The following RSPO2 variants were observed in gnomAD, a reference collection of about 807,000 sequenced individuals.
RSPO2 encodes the protein R-spondin 2.
In RSPO2, 14 loss-of-function variants were observed where a neutral mutation model predicts 30.9. The observed-to-expected ratio is 0.45, with a 90% CI of 0.30 to 0.71. The LOEUF is 0.71. Ranked by LOEUF, RSPO2 falls within the 30% of genes least tolerant of loss-of-function variation. The pLI is 0.08. For synonymous variants in RSPO2, 107 were observed against 96.4 expected (o/e 1.11, Z -0.64); for missense variants, 264 against 301.9 (o/e 0.87, Z 0.93).
chr8:107,940,522 C>G (rs908722042), intron 5 of RSPO2, among the ~76,000 whole-genome samples: 1 of 152,172 alleles, frequency 6.6e-6, no homozygotes, highest in Non-Finnish European at 1.5e-5. Flanking sequence ...GAGGTGTGGA[C>G]TGGAGCAGTT....
intron 2 of RSPO2, among the ~76,000 whole-genome samples, chr8:107,994,398 TC>T (rs1301266258): frequency 6.6e-6 from 1 of 152,156 alleles, no homozygotes; most frequent in Non-Finnish European, 1.5e-5. Flanking sequence ...ACTTTTTTTT[TC>T]CAAACAGAAA....
chr8:107,934,860 C>T (rs1362272740), intron 5 of RSPO2, among the ~76,000 whole-genome samples: 2 of 152,142 alleles, frequency 1.3e-5, no homozygotes, highest in African/African-American at 4.8e-5. Context: ...TATCACTTCC[C>T]CAATCAATAC....
intron 3 of RSPO2, chr8:107,982,996 G>A (rs1814502740): frequency 1.6e-6 from 1 of 618,096 alleles, no homozygotes; most frequent in Non-Finnish European, 2.6e-6. Context: ...CCTACGACTG[G>A]CTCCTGGGGT....
intron 3 of RSPO2, 21 bp downstream of exon 3, chr8:107,989,035 T>A (rs775285074): frequency 4.4e-5 from 70 of 1,579,210 alleles, no homozygotes; most frequent in Non-Finnish European, 5.5e-5. Context: ...CAATACAGGA[T>A]AGACAAAACC....
At chr8:107,911,352 T>A (rs1811820893) in intron 5 of RSPO2, among the ~76,000 whole-genome samples, 1 of 152,076 alleles carries the variant, frequency 6.6e-6, no homozygotes, top group African/African-American at 2.4e-5. Flanking sequence ...AGTAGCAGGG[T>A]ACAACATGAT....
At chr8:107,924,693 A>G (rs1004997852) in intron 5 of RSPO2, among the ~76,000 whole-genome samples, 2 of 152,060 alleles carry the variant, frequency 1.3e-5, no homozygotes, top group Non-Finnish European at 2.9e-5. Flanking sequence ...GACCATACCC[A>G]TACATATATA....
intron 5 of RSPO2, among the ~76,000 whole-genome samples, chr8:107,953,297 G>T (rs375344615): frequency 1.4e-4 from 22 of 152,148 alleles, no homozygotes; most frequent in African/African-American, 5.3e-4. Context: ...GGCTTTGAAA[G>T]ATTAGGGATG....
chr8:108,081,085 A>G (rs967585081), intron 2 of RSPO2, among the ~76,000 whole-genome samples: 1 of 152,184 alleles, frequency 6.6e-6, no homozygotes, highest in African/African-American at 2.4e-5. Flanking sequence ...GAAAATAAAC[A>G]ATTTCCAAAA....
Position 107,931,055 on chromosome 8 carries a change from A to G in RSPO2, c.616+27025T>C, listed in dbSNP as rs1429058875. ...GGCTGGAAAAATAACATATTTTGCT[A>G]GTGAAAGAAGTATAGATTACTGCTA... On this transcript the variant is annotated intron_variant, in intron 5 of 5. Transcript: ENST00000276659. Among the ~76,000 whole-genome samples the G allele has an allele frequency of 2.0e-5, 3 of 152,184 alleles. No individual in the cohort carries two copies. The East Asian group carries it at 5.8e-4, about 29-fold the overall frequency.
chr8:108,064,717 T>A (rs1240808788), intron 2 of RSPO2, among the ~76,000 whole-genome samples: 1 of 152,168 alleles, frequency 6.6e-6, no homozygotes, highest in Non-Finnish European at 1.5e-5. Context: ...TAAAGACACA[T>A]GCACACGTAT....
At position 107,901,089 on chromosome 8, in the gene RSPO2, T is replaced by A. The variant is rs1296285320; in HGVS notation, c.718A>T (p.Arg240Ter). Residue 240 changes from arginine (R) to a stop codon, truncating the protein, a stop_gained, in exon 6 of 6, where the codon AGA (arginine) becomes TGA (stop). Coordinates refer to ENST00000276659, the MANE Select transcript of RSPO2 (RefSeq NM_178565.5). LOFTEE classifies it high-confidence loss of function. ...EQHSVFLATD[R>*]ANQ ...GATCTCTTGTTTTATTGGTTAGCTC[T>A]GTCTGTAGCTAGGAAGACGCTGTGT... The A allele has an allele frequency of 1.2e-6, 2 of 1,613,744 alleles. No homozygotes were observed. Among genetic ancestry groups the A allele is most frequent in the Non-Finnish European group, 1.7e-6 (2 of 1,179,954 alleles).
At chr8:107,928,609 A>T (rs1812456473) in intron 5 of RSPO2, among the ~76,000 whole-genome samples, 1 of 152,202 alleles carries the variant, frequency 6.6e-6, no homozygotes, top group South Asian at 2.1e-4. Flanking sequence ...GCTTTCCAAC[A>T]ATCATCTTAA....
At chr8:107,948,244 A>C (rs1813129261) in intron 5 of RSPO2, among the ~76,000 whole-genome samples, 2 of 152,220 alleles carry the variant, frequency 1.3e-5, no homozygotes, top group African/African-American at 2.4e-5. Context: ...TTTCTTTAGA[A>C]CATAGGAAGT....
At chr8:108,033,912 C>T (rs1450863662) in intron 2 of RSPO2, among the ~76,000 whole-genome samples, 5 of 152,170 alleles carry the variant, frequency 3.3e-5, no homozygotes, top group East Asian at 1.9e-4. Context: ...CAACACCCTT[C>T]GCTGAGTCAC....
intron 5 of RSPO2, among the ~76,000 whole-genome samples, chr8:107,908,878 G>T (rs752523527): frequency 1.3e-5 from 2 of 152,192 alleles, no homozygotes; most frequent in Non-Finnish European, 2.9e-5. Flanking sequence ...TAAACTACCT[G>T]CAAATAACAG....
At chr8:108,002,509 A>G (rs1213041122) in intron 2 of RSPO2, among the ~76,000 whole-genome samples, 1 of 152,216 alleles carries the variant, frequency 6.6e-6, no homozygotes, top group Non-Finnish European at 1.5e-5. Flanking sequence ...TGCTTTTTTA[A>G]AAAGAGGGGT....
At chr8:108,004,072 T>C (rs1586619798) in intron 2 of RSPO2, among the ~76,000 whole-genome samples, 2 of 152,186 alleles carry the variant, frequency 1.3e-5, no homozygotes, top group Non-Finnish European at 2.9e-5. Context: ...AAAAATACTA[T>C]GCTAATTTTT....
chr8:107,905,556 A>G (rs1811610391), intron 5 of RSPO2, among the ~76,000 whole-genome samples: 1 of 152,050 alleles, frequency 6.6e-6, no homozygotes, highest in Non-Finnish European at 1.5e-5. Context: ...CCTGGGCTTC[A>G]CTGAATTATA....
chr8:108,082,014 T>C, intron 2 of RSPO2: 1 of 667,488 alleles, frequency 1.5e-6, no homozygotes, highest in Non-Finnish European at 1.9e-6. Flanking sequence ...TTGGTACCCC[T>C]CCCAAGCTCC....
Sources: gnomAD v4.1 joint callset for allele counts (sites outside exome capture counted in the v4.1 genomes callset) on GRCh38, gnomAD v4.1.1 for gene constraint, MANE v1.5 for transcripts, NCBI Gene and HGNC (gene_info 2026-07-23, HGNC 2026-07-21) for gene names.